DCDC2: variants seen among roughly 807,000 people sequenced by gnomAD.
DCDC2 encodes the protein doublecortin domain containing 2, also known as doublecortin domain-containing protein 2.
DCDC2 carries 40 observed loss-of-function variants against 50.2 expected under a neutral mutation model. That is an observed-to-expected ratio of 0.80 (90% CI 0.62 to 1.04). The LOEUF (loss-of-function observed/expected upper bound fraction) is 1.04. Among genes scored for constraint, DCDC2 ranks in the 50% least tolerant of loss-of-function variants. DCDC2 has a pLI of 0.00. For synonymous variants in DCDC2, 234 were observed against 210.6 expected (o/e 1.11, Z -0.96); for missense variants, 570 against 581.9 (o/e 0.98, Z 0.21).
chr6:24,355,897 T>C (rs1018158374), intron 1 of DCDC2, among the ~76,000 whole-genome samples: 6 of 152,316 alleles, frequency 3.9e-5, no homozygotes, highest in African/African-American at 1.4e-4. Flanking sequence ...GTTATAAGAC[T>C]TTATTTGAAT....
At chr6:24,311,142 C>G (rs1298655065) in intron 2 of DCDC2, among the ~76,000 whole-genome samples, 1 of 152,192 alleles carries the variant, frequency 6.6e-6, no homozygotes, top group Non-Finnish European at 1.5e-5. Flanking sequence ...TTGGACTGGA[C>G]TTGATTATTT....
chr6:24,226,583 T>C (rs1339219524), intron 7 of DCDC2, among the ~76,000 whole-genome samples: 1 of 152,240 alleles, frequency 6.6e-6, no homozygotes, highest in Non-Finnish European at 1.5e-5. Flanking sequence ...CCTATCTGTG[T>C]TTCAGAACAA....
At chr6:24,176,438 G>A (rs528306474) in intron 9 of DCDC2, among the ~76,000 whole-genome samples, 9 of 151,960 alleles carry the variant, frequency 5.9e-5, no homozygotes, top group African/African-American at 1.7e-4. Context: ...TGATCTTGAC[G>A]GATGCCCAAT....
chr6:24,227,129 G>T (rs772494964), intron 7 of DCDC2, among the ~76,000 whole-genome samples: 9 of 152,196 alleles, frequency 5.9e-5, no homozygotes, highest in Non-Finnish European at 1.3e-4. Context: ...AAAAACTAAA[G>T]GAAGGGCATT....
intron 8 of DCDC2, among the ~76,000 whole-genome samples, chr6:24,186,863 T>G (rs1761214749): frequency 6.6e-6 from 1 of 152,156 alleles, no homozygotes. Flanking sequence ...GTGACTGTAT[T>G]TGGAGGCAAT....
intron 7 of DCDC2, among the ~76,000 whole-genome samples, chr6:24,220,810 G>A (rs1264006121): frequency 7.2e-6 from 1 of 138,702 alleles, no homozygotes; most frequent in Non-Finnish European, 1.6e-5. Flanking sequence ...TACAATCACG[G>A]CAGAAAGCGA....
In DCDC2 at chr6:24,345,887, C is replaced by G. The variant is rs116730488; in HGVS notation, c.348+7682G>C. Among the ~76,000 whole-genome samples the G allele has an allele frequency of 5.0e-3, 760 of 152,152 alleles. 6 individuals are homozygous for G. Among genetic ancestry groups the G allele is most frequent in the East Asian group, 0.03 (155 of 5,172 alleles). ...ATGTGGAAAAGAGAGTAAAAATTAT[C>G]TTTACTGCAAGACTGGGCATGGTGG... On this transcript the variant is annotated intron_variant, in intron 2 of 9. Transcript: ENST00000378454.
intron 4 of DCDC2, among the ~76,000 whole-genome samples, chr6:24,295,422 T>C (rs1091046): frequency 0.24 from 35,835 of 152,046 alleles, 4,766 homozygotes; most frequent in African/African-American, 0.38. Flanking sequence ...AAGAGATGCC[T>C]TCTCTCGCCA....
chr6:24,215,975 C>G (rs6942057), intron 7 of DCDC2, among the ~76,000 whole-genome samples: 150,479 of 152,300 alleles, frequency 0.99, 74,366 homozygotes, highest in East Asian at 1. Context: ...TTGTCTACAT[C>G]GTTAACAGTG....
chr6:24,302,114 AT>A (rs1759389932), intron 2 of DCDC2, 70 bp from the exon 3 acceptor site: 2 of 1,401,552 alleles, frequency 1.4e-6, no homozygotes, highest in Non-Finnish European at 9.8e-7. Context: ...TATGAGGAAA[AT>A]CTACAGTTTC....
At chr6:24,320,264 C>T (rs183427589) in intron 2 of DCDC2, among the ~76,000 whole-genome samples, 1 of 152,116 alleles carries the variant, frequency 6.6e-6, no homozygotes, top group South Asian at 2.1e-4. Flanking sequence ...GAATAAACCC[C>T]GTGGTGCTGG....
chr6:24,339,224 A>G (rs945597849), intron 2 of DCDC2, among the ~76,000 whole-genome samples: 4 of 151,962 alleles, frequency 2.6e-5, no homozygotes, highest in Non-Finnish European at 5.9e-5. Context: ...CACAACGTAT[A>G]TATCATTTCT....
At chr6:24,378,424 C>T in the DCDC2 span, among the ~76,000 whole-genome samples, 6 of 152,156 alleles carry the variant, frequency 3.9e-5, no homozygotes, top group African/African-American at 1.4e-4. Flanking sequence ...CCCACTCCTA[C>T]CTCTGTCCCT....
chr6:24,292,241 G>A (rs1763767670), intron 4 of DCDC2, among the ~76,000 whole-genome samples: 1 of 151,854 alleles, frequency 6.6e-6, no homozygotes, highest in African/African-American at 2.4e-5. Flanking sequence ...ATTTTTTAAG[G>A]TTATAAGCAA....
At chr6:24,323,234 A>G (rs1759802362) in intron 2 of DCDC2, among the ~76,000 whole-genome samples, 1 of 152,216 alleles carries the variant, frequency 6.6e-6, no homozygotes, top group South Asian at 2.1e-4. Context: ...CTGACTTTCA[A>G]AATTGTCAAG....
chr6:24,338,231 C>G (rs1444012142), intron 2 of DCDC2, among the ~76,000 whole-genome samples: 1 of 152,202 alleles, frequency 6.6e-6, no homozygotes, highest in Non-Finnish European at 1.5e-5. Context: ...AATACATACA[C>G]ACACATGTGC....
chr6:24,353,539 T>C (rs758401161), intron 2 of DCDC2, 30 bp downstream of exon 2: 3 of 1,415,624 alleles, frequency 2.1e-6, no homozygotes, highest in East Asian at 2.3e-5. Flanking sequence ...CCGTTATTTA[T>C]TTGAATTTTC....
At chr6:24,311,040 T>C (rs1012919196) in intron 2 of DCDC2, among the ~76,000 whole-genome samples, 1 of 152,210 alleles carries the variant, frequency 6.6e-6, no homozygotes, top group Non-Finnish European at 1.5e-5. Flanking sequence ...TCTGTGTGAA[T>C]TCATCTTCCT....
the DCDC2 span, among the ~76,000 whole-genome samples, chr6:24,372,122 T>G: frequency 6.6e-6 from 1 of 152,166 alleles, no homozygotes; most frequent in East Asian, 1.9e-4. Context: ...TTGCTGGGTA[T>G]ATACCCAAAG....
Sources: gnomAD v4.1 joint callset for allele counts (sites outside exome capture counted in the v4.1 genomes callset) on GRCh38, gnomAD v4.1.1 for gene constraint, MANE v1.5 for transcripts, NCBI Gene and HGNC (gene_info 2026-07-23, HGNC 2026-07-21) for gene names.